The following OTUD7A variants were observed in gnomAD, a reference collection of about 807,000 sequenced individuals.
OTUD7A encodes the protein OTU deubiquitinase 7A, also known as OTU domain-containing protein 7A.
A neutral mutation model predicts 65.7 loss-of-function variants in OTUD7A; 12 were observed. That is an observed-to-expected ratio of 0.18 (90% CI 0.12 to 0.30). OTUD7A has a LOEUF of 0.30. Among genes scored for constraint, OTUD7A ranks in the 10% least tolerant of loss-of-function variants. The pLI is 1.00. For missense variants in OTUD7A, 1,148 were observed against 1,304.8 expected (o/e 0.88, Z 1.85); for synonymous variants, 641 against 586.3 (o/e 1.09, Z -1.35).
At chr15:31,645,849 T>C (rs547854617) in intron 3 of OTUD7A, among the ~76,000 whole-genome samples, 16 of 152,270 alleles carry the variant, frequency 1.1e-4, no homozygotes, top group Admixed American at 4.6e-4. Flanking sequence ...CAGCTGCCTA[T>C]AGATTGCTTT....
intron 1 of OTUD7A, among the ~76,000 whole-genome samples, chr15:31,728,610 G>A (rs146621769): frequency 3.2e-4 from 48 of 152,230 alleles, no homozygotes; most frequent in Non-Finnish European, 5.3e-4. Flanking sequence ...TCTCAGGATC[G>A]TTCCTCCTTG....
At chr15:31,781,165 T>C (rs1266239844) in intron 1 of OTUD7A, among the ~76,000 whole-genome samples, 1 of 152,174 alleles carries the variant, frequency 6.6e-6, no homozygotes, top group African/African-American at 2.4e-5. Flanking sequence ...CTAGGATCAA[T>C]AGAATACAGC....
chr15:31,542,466 G>C (rs1595597016), intron 5 of OTUD7A, among the ~76,000 whole-genome samples: 2 of 151,974 alleles, frequency 1.3e-5, no homozygotes, highest in South Asian at 2.1e-4. Context: ...AGATAAGTAA[G>C]AAGCAACAAA....
intron 1 of OTUD7A, among the ~76,000 whole-genome samples, chr15:31,774,492 G>A (rs1895319197): frequency 6.6e-6 from 1 of 152,252 alleles, no homozygotes; most frequent in Non-Finnish European, 1.5e-5. Context: ...ATGACTATCT[G>A]CCTGCCATGA....
chr15:31,775,761 C>T (rs926560258), intron 1 of OTUD7A, among the ~76,000 whole-genome samples: 8 of 152,092 alleles, frequency 5.3e-5, no homozygotes, highest in Non-Finnish European at 7.3e-5. Flanking sequence ...GGCATGGCAG[C>T]AGGGGCAGGA....
At chr15:31,676,715 A>G (rs58612277) in intron 1 of OTUD7A, among the ~76,000 whole-genome samples, 1 of 152,346 alleles carries the variant, frequency 6.6e-6, no homozygotes, top group East Asian at 1.9e-4. Context: ...AAGCATCGCT[A>G]ACTGACAGAA....
intron 1 of OTUD7A, among the ~76,000 whole-genome samples, chr15:31,717,142 T>C (rs1893610479): frequency 6.6e-6 from 1 of 152,206 alleles, no homozygotes; most frequent in Non-Finnish European, 1.5e-5. Flanking sequence ...ACAAAATGGT[T>C]GTTTTCTGTC....
At chr15:31,747,148 T>C (rs1894502711) in intron 1 of OTUD7A, among the ~76,000 whole-genome samples, 1 of 152,192 alleles carries the variant, frequency 6.6e-6, no homozygotes, top group Non-Finnish European at 1.5e-5. Flanking sequence ...ATTAAGATTA[T>C]TGAAAGCAAA....
At chr15:31,753,307 T>C (rs35765984) in intron 1 of OTUD7A, among the ~76,000 whole-genome samples, 7,857 of 152,128 alleles carry the variant, frequency 0.052, 443 homozygotes, top group African/African-American at 0.14. Flanking sequence ...CAAATATTTA[T>C]TTATATTTCC....
intron 1 of OTUD7A, among the ~76,000 whole-genome samples, chr15:31,751,808 C>T (rs1372333804): frequency 1.3e-5 from 2 of 152,088 alleles, no homozygotes; most frequent in African/African-American, 2.4e-5. Context: ...GCAATTAACA[C>T]AGAAAACCAA....
At chr15:31,826,849 G>A (rs551137874) in intron 1 of OTUD7A, among the ~76,000 whole-genome samples, 2 of 152,182 alleles carry the variant, frequency 1.3e-5, no homozygotes, top group African/African-American at 4.8e-5. Context: ...GGGGCAAAAT[G>A]CTGCTGGTCT....
intron 1 of OTUD7A, among the ~76,000 whole-genome samples, chr15:31,817,975 G>GAGCC (rs1896591912): frequency 6.6e-6 from 1 of 152,184 alleles, no homozygotes; most frequent in Non-Finnish European, 1.5e-5. Context: ...CCTTAGAAGA[G>GAGCC]AGCCGTCAGA....
rs145947509 is a variant in OTUD7A, at chr15:31,808,053, C to T, written c.-100+62454G>A. The stretch of plus-strand genomic sequence containing the variant: ...GAGGAGGGGCCAGAAGAGAGAAAAC[C>T]CCAAAACATAATATTTTGTTATATA... On this transcript the variant is annotated intron_variant, in intron 1 of 12. Coordinates refer to ENST00000307050, the MANE Select transcript of OTUD7A (RefSeq NM_001382637.1). Among the ~76,000 whole-genome samples, 4 of 150,064 alleles carry T rather than the reference C, an allele frequency of 2.7e-5. No homozygotes were observed. In the East Asian group the frequency reaches 6.0e-4, roughly 23 times the overall value.
chr15:31,723,306 G>T (rs1893794225), intron 1 of OTUD7A, among the ~76,000 whole-genome samples: 1 of 151,806 alleles, frequency 6.6e-6, no homozygotes, highest in Non-Finnish European at 1.5e-5. Context: ...GCCCTTGTTT[G>T]TGGTGCCAGT....
At chr15:31,631,641 G>C (rs1292711699) in intron 3 of OTUD7A, among the ~76,000 whole-genome samples, 1 of 152,160 alleles carries the variant, frequency 6.6e-6, no homozygotes, top group African/African-American at 2.4e-5. Context: ...TGCCTGCCTT[G>C]CTAGATTGGG....
intron 1 of OTUD7A, among the ~76,000 whole-genome samples, chr15:31,753,723 A>T (rs78534081): frequency 9.5e-5 from 8 of 83,844 alleles, no homozygotes; most frequent in South Asian, 3.2e-4. Context: ...TATATATATT[A>T]TATATATATA....
Position 31,655,119 on chromosome 15 carries a change from C to G in OTUD7A, c.128G>C (p.Gly43Ala). ...DFVRSTGAEP[G>A]LARDLLEGKN... ...ACCTTCCAGCAGGTCTCTGGCCAGA[C>G]CAGGTTCTGCCCCCGTGGACCGAAC... The change falls in exon 3 of 13, where the codon GGT becomes GCT. Residue 43 changes from glycine to alanine, a missense_variant. By Grantham distance (60) the Gly-to-Ala change is moderately conservative. Transcript: ENST00000307050. The G allele has an allele frequency of 6.3e-7, 1 of 1,597,454 alleles. No homozygotes were observed. The highest frequency in any genetic ancestry group is 8.5e-7 in the Non-Finnish European group (1 of 1,173,916).
chr15:31,576,293 C>T (rs1057103699), intron 3 of OTUD7A, among the ~76,000 whole-genome samples: 13 of 152,140 alleles, frequency 8.5e-5, no homozygotes, highest in Admixed American at 7.2e-4. Context: ...AACTCTAAGT[C>T]ATCTCTCTGC....
intron 1 of OTUD7A, among the ~76,000 whole-genome samples, chr15:31,744,637 T>G (rs998404324): frequency 4.6e-5 from 7 of 152,128 alleles, no homozygotes; most frequent in African/African-American, 1.7e-4. Flanking sequence ...TCCCTTATGA[T>G]TAAAAAGAAG....
Sources: gnomAD v4.1 joint callset for allele counts (sites outside exome capture counted in the v4.1 genomes callset) on GRCh38, gnomAD v4.1.1 for gene constraint, MANE v1.5 for transcripts, NCBI Gene and HGNC (gene_info 2026-07-23, HGNC 2026-07-21) for gene names.